The following FBXO27 variants were observed in gnomAD, a reference collection of about 807,000 sequenced individuals.
The protein encoded by FBXO27 is F-box protein 27, also known as F-box only protein 27.
FBXO27 carries 28 observed loss-of-function variants against 28.3 expected under a neutral mutation model. The observed-to-expected ratio is 0.99, with a 90% CI of 0.73 to 1.36. The LOEUF is 1.36. Ranked by LOEUF, FBXO27 falls within the 40% of genes most tolerant of loss-of-function variation. The pLI is 0.00. For missense variants in FBXO27, 388 were observed against 394.1 expected (o/e 0.98, Z 0.13); for synonymous variants, 175 against 167.3 (o/e 1.05, Z -0.36).
chr19:39,012,329 C>A (rs1043797892), intron 2 of FBXO27, among the ~76,000 whole-genome samples: 6 of 151,934 alleles, frequency 3.9e-5, no homozygotes, highest in Admixed American at 1.3e-4. Context: ...CGATTACAGG[C>A]ATGGGCAACC....
intron 2 of FBXO27, among the ~76,000 whole-genome samples, chr19:39,009,678 T>C (rs571918962): frequency 6.6e-6 from 1 of 152,326 alleles, no homozygotes; most frequent in South Asian, 2.1e-4. Context: ...GAATTCTTTA[T>C]ATATTTTGGA....
intron 2 of FBXO27, among the ~76,000 whole-genome samples, chr19:39,009,559 C>CT (rs1291150838): frequency 6.6e-6 from 1 of 152,132 alleles, no homozygotes; most frequent in Non-Finnish European, 1.5e-5. Context: ...TGTTGAACGT[C>CT]TTTTCATGTA....
intron 4 of FBXO27, chr19:39,030,441 AG>A (rs1196389185): frequency 6.5e-6 from 1 of 153,138 alleles, no homozygotes; most frequent in Non-Finnish European, 1.5e-5. Flanking sequence ...TCCTAAGGCA[AG>A]GAGCATCTCA....
intron 4 of FBXO27, among the ~76,000 whole-genome samples, chr19:39,029,646 AG>A (rs2072891835): frequency 6.6e-6 from 1 of 152,154 alleles, no homozygotes; most frequent in South Asian, 2.1e-4. Flanking sequence ...ATTGTGTAAT[AG>A]GGGGCTCATG....
chr19:39,028,334 CT>C (rs1487971443), intron 4 of FBXO27, among the ~76,000 whole-genome samples: 1 of 152,164 alleles, frequency 6.6e-6, no homozygotes, highest in Non-Finnish European at 1.5e-5. Context: ...TAAAAGCTAC[CT>C]TTATGAGGTG....
intron 4 of FBXO27, among the ~76,000 whole-genome samples, chr19:39,027,635 T>C (rs674440): frequency 0.044 from 6,752 of 152,048 alleles, 370 homozygotes; most frequent in African/African-American, 0.13. Context: ...GTTCGTCCAG[T>C]GAATTATTGA....
At position 39,032,310 on chromosome 19, in the gene FBXO27, C is replaced by T. The variant is rs2072911484; in HGVS notation, c.-26-57G>A. 7.3e-7 allele frequency: 1 copy of T among 1,375,296 alleles called. No homozygotes were observed. The highest frequency in any genetic ancestry group is 1.5e-5 in the African/African-American group (1 of 64,876). 85.2% of individuals were successfully genotyped at this position (1,375,296 alleles called of 1,614,324 possible). A position where few individuals can be genotyped will look rare whatever the true frequency, so the allele number is the denominator to read the frequency against. ...ACCAGCAGCCTCCGCGGCGCGCAGCCTCTGCCTGCCCTGATTCTGCCAGCC... is the reference window on the plus strand; with the variant it reads ...ACCAGCAGCCTCCGCGGCGCGCAGCTTCTGCCTGCCCTGATTCTGCCAGCC... On this transcript the variant is annotated intron_variant, in intron 1 of 5. Transcript: ENST00000292853. This position sits in a 1 kb window ranked among gnomAD's most constrained non-coding sequence, Gnocchi z 4.7.
rs376116058 is a variant in FBXO27 at position 39,026,882 on chromosome 19, A to C, written c.696T>G (p.Asn232Lys). The change falls in exon 5 of 6, where the codon AAT becomes AAG. Residue 232 changes from asparagine (N) to lysine (K), a missense_variant. Asn to Lys is a moderately conservative substitution (Grantham distance 94). Coordinates refer to ENST00000292853, the MANE Select transcript of FBXO27 (RefSeq NM_178820.5). ...VPDPIPQWNNNACLHVTHVFS... is the reference protein window; with the variant it reads ...VPDPIPQWNNKACLHVTHVFS... ...ATAGGAGACTCACGTGAAGGCAGGC[A>C]TTGTTGTTCCACTGCGGGATGGGAT... The C allele has an allele frequency of 8.7e-6, 14 of 1,614,040 alleles. No homozygotes were observed. In the African/African-American group the frequency reaches 1.7e-4, roughly 20 times the overall value.
In FBXO27 at chr19:39,031,909, G is replaced by A. The variant is rs1430523967; in HGVS notation, c.319C>T (p.Arg107Cys). Residue 107 changes from arginine to cysteine, a missense_variant, in exon 2 of 6, where the codon CGC (arginine) becomes TGC (cysteine). Transcript: ENST00000292853. ...ATAAGGTTGCGTCCGATGGGTCTGCGCGCGCAGAAGCGGCCCAGGGGGCAA... is the reference window on the plus strand; with the variant it reads ...ATAAGGTTGCGTCCGATGGGTCTGCACGCGCAGAAGCGGCCCAGGGGGCAA... ...RPCPLGRFCA[R>C]RPIGRNLIRN... 24 of 1,503,470 alleles carry A rather than the reference G, an allele frequency of 1.6e-5. No homozygotes were observed. Among genetic ancestry groups the A allele is most frequent in the Non-Finnish European group, 1.9e-5 (22 of 1,138,008 alleles). 93.1% of individuals were successfully genotyped at this position (1,503,470 alleles called of 1,614,324 possible).
At chr19:39,012,360 TTTTAATAGAGA>T (rs1345455258) in intron 2 of FBXO27, among the ~76,000 whole-genome samples, 1 of 151,634 alleles carries the variant, frequency 6.6e-6, no homozygotes, top group Non-Finnish European at 1.5e-5. Flanking sequence ...CATTTTGTAT[TTTTAATAGAGA>T]TGGGGTTTCT....
downstream of FBXO27, among the ~76,000 whole-genome samples, chr19:39,019,729 A>C (rs1470835058): frequency 6.6e-6 from 1 of 151,760 alleles, no homozygotes; most frequent in Non-Finnish European, 1.5e-5. Flanking sequence ...CTGCCTAAAG[A>C]GGGTTTTTTG....
Position 39,031,322 on chromosome 19 carries a change from T to C in FBXO27, c.365-2A>G. On this transcript the variant is annotated splice_acceptor_variant, in intron 2 of 5. Coordinates refer to ENST00000292853, the MANE Select transcript of FBXO27 (RefSeq NM_178820.5). LOFTEE classifies it high-confidence loss of function. The stretch of plus-strand genomic sequence containing the variant: ...GCACCATCCACTTTCGGAGGCCTTC[T>C]GTGAAATAAAAAAGGCTTGTGCCCA... The C allele has an allele frequency of 6.2e-7, 1 of 1,613,790 alleles. No individual in the cohort carries two copies. The highest frequency in any genetic ancestry group is 8.5e-7 in the Non-Finnish European group (1 of 1,179,812).
Position 39,026,885 on chromosome 19 carries a change from G to C in FBXO27, c.693C>G (p.Asn231Lys), listed in dbSNP as rs1425337024. Residue 231 changes from asparagine to lysine, a missense_variant, in exon 5 of 6, where the codon AAC (asparagine) becomes AAG (lysine). Physicochemically the swap from Asn to Lys is moderately conservative, Grantham distance 94. Coordinates refer to ENST00000292853, the MANE Select transcript of FBXO27 (RefSeq NM_178820.5). ...AVPDPIPQWN[N>K]NACLHVTHVF... ...GGAGACTCACGTGAAGGCAGGCATT[G>C]TTGTTCCACTGCGGGATGGGATCAG... 2 of 1,614,186 alleles carry C rather than the reference G, an allele frequency of 1.2e-6. No individual in the cohort carries two copies. Among genetic ancestry groups the C allele is most frequent in the Non-Finnish European group, 1.7e-6 (2 of 1,180,040 alleles).
In FBXO27 at chr19:39,026,987, G is replaced by A; in HGVS notation, c.591C>T (p.Asp197=). 1 of 1,614,190 alleles carries A rather than the reference G, an allele frequency of 6.2e-7. No homozygotes were observed. Among genetic ancestry groups the A allele is most frequent in the Non-Finnish European group, 8.5e-7 (1 of 1,180,044 alleles). ...CVSDWWGARH[D]SGCMYRLLVQ... Reference sequence around the variant, plus strand: ...CGAGGAGTCTGTACATACAGCCGCTGTCGTGTCGGGCTCCCCACCTGTGGG... The same window carrying A: ...CGAGGAGTCTGTACATACAGCCGCTATCGTGTCGGGCTCCCCACCTGTGGG... Residue 197 remains aspartate, a synonymous_variant, in exon 5 of 6, where the codon GAC becomes GAT. Coordinates refer to ENST00000292853, the MANE Select transcript of FBXO27 (RefSeq NM_178820.5).
At chr19:39,027,127 A>G in intron 4 of FBXO27, 122 bp from the exon 5 acceptor site, 1 of 1,256,104 alleles carries the variant, frequency 8.0e-7, no homozygotes, top group Middle Eastern at 2.8e-4. Flanking sequence ...GACTCCTGGG[A>G]GGTGATCTCT....
chr19:39,019,356 C>T (rs55966336), downstream of FBXO27, among the ~76,000 whole-genome samples: 16,992 of 129,902 alleles, frequency 0.13, 1,140 homozygotes, highest in African/African-American at 0.17. Flanking sequence ...ACCCAGGAGG[C>T]GGAGCTTGTG....
intron 4 of FBXO27, among the ~76,000 whole-genome samples, chr19:39,029,651 G>T (rs2072891854): frequency 6.6e-6 from 1 of 151,982 alleles, no homozygotes; most frequent in South Asian, 2.1e-4. Flanking sequence ...GTAATAGGGG[G>T]CTCATGGCTG....
chr19:39,020,448 C>T (rs1031128845), downstream of FBXO27, among the ~76,000 whole-genome samples: 1 of 151,796 alleles, frequency 6.6e-6, no homozygotes, highest in Admixed American at 6.6e-5. Context: ...GGTCTCATTG[C>T]CCCCAAACAC....
intron 2 of FBXO27, among the ~76,000 whole-genome samples, chr19:39,011,822 C>CT (rs2072795933): frequency 8.7e-6 from 1 of 114,850 alleles, no homozygotes; most frequent in Non-Finnish European, 1.8e-5. Context: ...CCCTGATTTT[C>CT]TTTTCTTTTT....
Sources: allele counts gnomAD v4.1 joint callset (sites outside exome capture counted in the v4.1 genomes callset), GRCh38; gene constraint gnomAD v4.1.1; non-coding constraint Gnocchi (gnomAD v3.1); transcripts MANE v1.5; gene names NCBI Gene and HGNC (gene_info 2026-07-23, HGNC 2026-07-21).